Variants in FOXK1 observed in about 807,000 individuals in gnomAD.
FOXK1 encodes the protein forkhead box K1, also known as forkhead box protein K1.
FOXK1 carries 19 observed loss-of-function variants against 51.9 expected under a neutral mutation model. The observed-to-expected ratio is 0.37, with a 90% CI of 0.26 to 0.54. The LOEUF is 0.54. Among genes scored for constraint, FOXK1 ranks in the 20% least tolerant of loss-of-function variants. The pLI is 0.87. For synonymous variants in FOXK1, 537 were observed against 482.6 expected, an observed-to-expected ratio of 1.11 and a Z score of -1.48; for missense variants, 870 against 1,032.7, an observed-to-expected ratio of 0.84 and a Z score of 2.16.
Position 4,767,591 on chromosome 7 carries a change from T to G in FOXK1, c.*5127T>G, listed in dbSNP as rs1781031917. ...CTCCAGAGGTTCCTGGGTAATGTAT[T>G]GTGGCTCTTGGAAATGAGGGTAGAA... On this transcript the variant is annotated 3_prime_UTR_variant, in exon 9 of 9. Coordinates refer to ENST00000328914, the MANE Select transcript of FOXK1 (RefSeq NM_001037165.2). The surrounding 1 kb of genome is among the most constrained non-coding windows in gnomAD (Gnocchi z 6.6). 1 of 152,276 alleles carries G rather than the reference T, an allele frequency of 6.6e-6. No individual in the cohort carries two copies. The highest frequency in any genetic ancestry group is 1.5e-5 in the Non-Finnish European group (1 of 68,068). The allele number at this position is 152,276 out of a possible 1,614,324, so 9.4% of individuals were successfully genotyped here. A position where few individuals can be genotyped will look rare whatever the true frequency, so the allele number is the denominator to read the frequency against.
chr7:4,682,342 G>A lies in FOXK1; in HGVS notation c.34G>A (p.Ala12Thr), dbSNP rs1370949701. Reference protein sequence around the residue: ...AEVGEDSGARALLALRSAPCS... With the variant: ...AEVGEDSGARTLLALRSAPCS... Reference sequence around the variant, plus strand: ...AGTCGGCGAGGACAGCGGCGCCCGCGCCCTGCTCGCGCTGCGCTCGGCGCC... The same window carrying A: ...AGTCGGCGAGGACAGCGGCGCCCGCACCCTGCTCGCGCTGCGCTCGGCGCC... Residue 12 changes from alanine (A) to threonine (T), a missense_variant, in exon 1 of 9, where the codon GCC becomes ACC. Ala to Thr is a moderately conservative substitution (Grantham distance 58). This residue lies in a region of FOXK1 where 399 missense variants were observed against 475.6 expected (regional missense o/e 0.84). Transcript: ENST00000328914. This position sits in a 1 kb window ranked among gnomAD's most constrained non-coding sequence, Gnocchi z 7.6. The A allele has an allele frequency of 2.0e-6, 2 of 993,850 alleles. No homozygotes were observed. The highest frequency in any genetic ancestry group is 4.2e-5 in the South Asian group (1 of 23,744). 61.6% of individuals were successfully genotyped at this position (993,850 alleles called of 1,614,324 possible).
chr7:4,718,528 G>A (rs544765504), intron 1 of FOXK1, among the ~76,000 whole-genome samples: 2 of 152,160 alleles, frequency 1.3e-5, no homozygotes, highest in African/African-American at 4.8e-5. Context: ...TCCATTTTTC[G>A]GCCTACTACA....
chr7:4,695,802 G>A (rs1779944113), intron 1 of FOXK1, among the ~76,000 whole-genome samples: 1 of 152,206 alleles, frequency 6.6e-6, no homozygotes, highest in African/African-American at 2.4e-5. Context: ...TGGGCGTGGT[G>A]GCGCATGCCT....
At position 4,748,878 on chromosome 7, in the gene FOXK1, C is replaced by T. The variant is rs144711765; in HGVS notation, c.747-5581C>T. ...ATTTTTTGTAGAGGTGGGGTCTCCC[C>T]ATGTTGCCCAGGCTGGTCTTGAACT... On this transcript the variant is annotated intron_variant, in intron 2 of 8. Coordinates refer to ENST00000328914, the MANE Select transcript of FOXK1 (RefSeq NM_001037165.2). The surrounding 1 kb of genome is among the most constrained non-coding windows in gnomAD (Gnocchi z 4.9). 0.01 allele frequency among the ~76,000 whole-genome samples: 1,594 copies of T among 152,154 alleles called. 23 individuals carry two copies. Among genetic ancestry groups the T allele is most frequent in the African/African-American group, 0.028 (1,151 of 41,496 alleles).
rs1420385163 is a variant in FOXK1 at position 4,722,037 on chromosome 7, C to A, written c.561-18801C>A. On this transcript the variant is annotated intron_variant, in intron 1 of 8. Coordinates refer to ENST00000328914, the MANE Select transcript of FOXK1 (RefSeq NM_001037165.2). The surrounding 1 kb of genome is among the most constrained non-coding windows in gnomAD (Gnocchi z 5.1). The stretch of plus-strand genomic sequence containing the variant: ...GGCAGCCGGGGTGAGACTGGTGACC[C>A]CGCTGCATCCCATACCCTCCACCCA... Among the ~76,000 whole-genome samples the A allele has an allele frequency of 2.6e-5, 4 of 152,234 alleles. No individual in the cohort carries two copies. The highest frequency in any genetic ancestry group is 7.2e-5 in the African/African-American group (3 of 41,462).
Position 4,751,284 on chromosome 7 carries a change from A to AGCATTGGGATTACCAATCCCAAAG in FOXK1, c.747-3174_747-3151dup, listed in dbSNP as rs1780774199. 3.5e-5 allele frequency among the ~76,000 whole-genome samples: 5 copies of AGCATTGGGATTACCAATCCCAAAG among 144,422 alleles called. No individual in the cohort carries two copies. The Admixed American group carries it at 3.5e-4, about 10-fold the overall frequency. 94.7% of individuals were successfully genotyped at this position (144,422 alleles called of 152,430 possible). On this transcript the variant is annotated intron_variant, in intron 2 of 8. Transcript: ENST00000328914. ...TCCACCCTCCTCGGGTAATCCCAAA[A>AGCATTGGGATTACCAATCCCAAAG]GCATTGGGATTACCAATCCCAAAGC... is the stretch of plus-strand genomic sequence containing the variant.
At position 4,757,747 on chromosome 7, in the gene FOXK1, T is replaced by G. The variant is rs1259981099; in HGVS notation, c.1244+560T>G. On this transcript the variant is annotated intron_variant, in intron 5 of 8. Transcript: ENST00000328914. ...TTAGGGATTATAAGTAACCTGGCGATGATTTAAAGCTTACAGGAGGATGTG... is the reference window on the plus strand; with the variant it reads ...TTAGGGATTATAAGTAACCTGGCGAGGATTTAAAGCTTACAGGAGGATGTG... Among the ~76,000 whole-genome samples the G allele has an allele frequency of 4.0e-5, 6 of 150,698 alleles. No homozygotes were observed. In the South Asian group the frequency reaches 1.3e-3, roughly 32 times the overall value.
At chr7:4,732,140 G>A (rs1339401798) in intron 1 of FOXK1, among the ~76,000 whole-genome samples, 2 of 152,192 alleles carry the variant, frequency 1.3e-5, no homozygotes, top group African/African-American at 2.4e-5. Context: ...ATTCCCCCAC[G>A]CCTCAGTATT....
At chr7:4,724,453 C>T (rs1780353675) in intron 1 of FOXK1, among the ~76,000 whole-genome samples, 1 of 152,218 alleles carries the variant, frequency 6.6e-6, no homozygotes, top group African/African-American at 2.4e-5. Flanking sequence ...GCCTTGGCCT[C>T]CCAAAGTGCT....
chr7:4,696,671 C>A (rs1779956348), intron 1 of FOXK1, among the ~76,000 whole-genome samples: 1 of 152,200 alleles, frequency 6.6e-6, no homozygotes, highest in Non-Finnish European at 1.5e-5. Context: ...AGACACACTT[C>A]CAGGTGTCAT....
Position 4,762,792 on chromosome 7 carries a change from T to A in FOXK1, c.*328T>A. 3.0e-6 allele frequency: 1 copy of A among 332,392 alleles called. No individual in the cohort carries two copies. Among genetic ancestry groups the A allele is most frequent in the Non-Finnish European group, 5.7e-6 (1 of 175,170 alleles). The allele number at this position is 332,392 out of a possible 1,614,324, so 20.6% of individuals were successfully genotyped here. A position where few individuals can be genotyped will look rare whatever the true frequency, so the allele number is the denominator to read the frequency against. ...GGTTGGAGCTCAGCATCTTGAGGAATGTGTCAAGACAGCCCCTCCGCTCCG... is the reference window on the plus strand; with the variant it reads ...GGTTGGAGCTCAGCATCTTGAGGAAAGTGTCAAGACAGCCCCTCCGCTCCG... On this transcript the variant is annotated 3_prime_UTR_variant, in exon 9 of 9. Transcript: ENST00000328914. This position sits in a 1 kb window ranked among gnomAD's most constrained non-coding sequence, Gnocchi z 5.7.
intron 1 of FOXK1, among the ~76,000 whole-genome samples, chr7:4,736,171 G>C (rs1260413654): frequency 6.6e-6 from 1 of 152,112 alleles, no homozygotes; most frequent in African/African-American, 2.4e-5. Context: ...AAATCAAGTA[G>C]CATGCTTCAT....
chr7:4,692,545 T>C (rs1400266290), intron 1 of FOXK1, among the ~76,000 whole-genome samples: 7 of 148,678 alleles, frequency 4.7e-5, no homozygotes, highest in Admixed American at 4.7e-4. Context: ...AACAGGCATG[T>C]GCCACCACGC....
Position 4,747,937 on chromosome 7 carries a change from C to T in FOXK1, c.747-6522C>T, listed in dbSNP as rs977665854. Reference sequence around the variant, plus strand: ...CACGGCTCGCTGCAGCCTCGACCTCCGGGACTCAAGCGATCCTCCCACCTC... The same window carrying T: ...CACGGCTCGCTGCAGCCTCGACCTCTGGGACTCAAGCGATCCTCCCACCTC... On this transcript the variant is annotated intron_variant, in intron 2 of 8. Coordinates refer to ENST00000328914, the MANE Select transcript of FOXK1 (RefSeq NM_001037165.2). The surrounding 1 kb of genome is among the most constrained non-coding windows in gnomAD (Gnocchi z 9.2). Among the ~76,000 whole-genome samples the T allele has an allele frequency of 1.6e-4, 24 of 152,218 alleles. No individual in the cohort carries two copies. The highest frequency in any genetic ancestry group is 1.9e-4 in the East Asian group (1 of 5,182).
At chr7:4,691,496 A>G (rs1779891001) in intron 1 of FOXK1, among the ~76,000 whole-genome samples, 1 of 152,016 alleles carries the variant, frequency 6.6e-6, no homozygotes, top group African/African-American at 2.4e-5. Context: ...CACCACGCCC[A>G]GCTAATTTTT....
chr7:4,715,196 G>GGCGATACGGGGCACGGTGGAACTGTT lies in FOXK1; in HGVS notation c.561-25617_561-25616insTGCGATACGGGGCACGGTGGAACTGT, dbSNP rs1780219275. On this transcript the variant is annotated intron_variant, in intron 1 of 8. Transcript: ENST00000328914. This position sits in a 1 kb window ranked among gnomAD's most constrained non-coding sequence, Gnocchi z 4.5. ...ACGATACGGGGCACGGTGGAACTGTGGCGATACGGGGCACGGTGGAACTGT... is the reference window on the plus strand; with the variant it reads ...ACGATACGGGGCACGGTGGAACTGTGGCGATACGGGGCACGGTGGAACTGTTGCGATACGGGGCACGGTGGAACTGT... Among the ~76,000 whole-genome samples, 1 of 151,932 alleles carries GGCGATACGGGGCACGGTGGAACTGTT rather than the reference G, an allele frequency of 6.6e-6. No individual in the cohort carries two copies.
intron 1 of FOXK1, among the ~76,000 whole-genome samples, chr7:4,739,995 A>G (rs1488139735): frequency 6.6e-6 from 1 of 152,094 alleles, no homozygotes; most frequent in Admixed American, 6.5e-5. Context: ...TCTCACACAC[A>G]GTAGAAAGAC....
intron 1 of FOXK1, among the ~76,000 whole-genome samples, chr7:4,688,077 G>C (rs1020783128): frequency 6.6e-6 from 1 of 152,046 alleles, no homozygotes; most frequent in African/African-American, 2.4e-5. Flanking sequence ...TTCAAACATA[G>C]ACATAGAGTA....
rs1177384222 is a variant in FOXK1 at position 4,749,228 on chromosome 7, C to T, written c.747-5231C>T. 6.6e-6 allele frequency among the ~76,000 whole-genome samples: 1 copy of T among 152,198 alleles called. No individual in the cohort carries two copies. Reference sequence around the variant, plus strand: ...CTGTCCTACAGAGACGGCATCGTTACCTCCCTAGGGACGGGAACCATGTTT... The same window carrying T: ...CTGTCCTACAGAGACGGCATCGTTATCTCCCTAGGGACGGGAACCATGTTT... On this transcript the variant is annotated intron_variant, in intron 2 of 8. Transcript: ENST00000328914. The surrounding 1 kb of genome is among the most constrained non-coding windows in gnomAD (Gnocchi z 6.0).
Sources: gnomAD v4.1 joint callset for allele counts (sites outside exome capture counted in the v4.1 genomes callset) on GRCh38, gnomAD v4.1.1 for gene constraint, gnomAD v4.1.1 regional missense constraint, Gnocchi (gnomAD v3.1) non-coding constraint, MANE v1.5 for transcripts, NCBI Gene and HGNC (gene_info 2026-07-23, HGNC 2026-07-21) for gene names.